DNER: variants seen among roughly 807,000 people sequenced by gnomAD.
DNER encodes the protein delta/notch like EGF repeat containing, also known as delta and Notch-like epidermal growth factor-related receptor.
DNER carries 33 observed loss-of-function variants against 78.2 expected under a neutral mutation model. The ratio of observed to expected loss-of-function variants is 0.42; its 90% CI spans 0.32 to 0.56. DNER has a LOEUF of 0.56. DNER is among the 20% of genes least tolerant of loss of function. The probability of loss-of-function intolerance (pLI) is 0.11; values close to 1 mark genes in which losing one functional copy is unlikely to be tolerated. For missense variants in DNER, 918 were observed against 975.3 expected, an observed-to-expected ratio of 0.94 and a Z score of 0.78; for synonymous variants, 417 against 384.8, an observed-to-expected ratio of 1.08 and a Z score of -0.98.
intron 1 of DNER, among the ~76,000 whole-genome samples, chr2:229,607,598 A>T (rs1697962971): frequency 6.6e-6 from 1 of 152,254 alleles, no homozygotes; most frequent in South Asian, 2.1e-4. Flanking sequence ...ATAAAGATAC[A>T]TGCTTTATTC....
chr2:229,630,522 A>G (rs1698417165), intron 1 of DNER, among the ~76,000 whole-genome samples: 1 of 147,330 alleles, frequency 6.8e-6, no homozygotes, highest in Non-Finnish European at 1.5e-5. Context: ...TAATAATAAT[A>G]AAATCTTCTG....
At chr2:229,635,685 T>A (rs1459817487) in intron 1 of DNER, among the ~76,000 whole-genome samples, 1 of 152,214 alleles carries the variant, frequency 6.6e-6, no homozygotes, top group Non-Finnish European at 1.5e-5. Context: ...CTGATAGTGA[T>A]CATTTTACTT....
chr2:229,542,326 T>C (rs769043294), intron 5 of DNER, among the ~76,000 whole-genome samples: 1 of 152,114 alleles, frequency 6.6e-6, no homozygotes, highest in Non-Finnish European at 1.5e-5. Flanking sequence ...CTTGCGATGT[T>C]GAAGTAAACA....
intron 4 of DNER, among the ~76,000 whole-genome samples, chr2:229,565,614 A>G (rs1697091141): frequency 6.6e-6 from 1 of 152,174 alleles, no homozygotes; most frequent in Non-Finnish European, 1.5e-5. Flanking sequence ...CTTTTTTTGA[A>G]GCAAAATTTA....
At chr2:229,561,123 C>T (rs1696951347) in intron 4 of DNER, among the ~76,000 whole-genome samples, 1 of 152,080 alleles carries the variant, frequency 6.6e-6, no homozygotes, top group Admixed American at 6.6e-5. Flanking sequence ...GAAAATTCAC[C>T]CACACAGAAT....
At chr2:229,384,493 A>G (rs1471624539) in intron 11 of DNER, among the ~76,000 whole-genome samples, 1 of 152,220 alleles carries the variant, frequency 6.6e-6, no homozygotes, top group East Asian at 1.9e-4. Context: ...GAAAAGATTT[A>G]CAAAATAGAT....
At chr2:229,621,081 G>A (rs1243704773) in intron 1 of DNER, among the ~76,000 whole-genome samples, 2 of 152,144 alleles carry the variant, frequency 1.3e-5, no homozygotes, top group African/African-American at 2.4e-5. Flanking sequence ...AAGTTTCTGC[G>A]TGTTTCCAAG....
chr2:229,375,362 A>T (rs758442852), intron 11 of DNER, among the ~76,000 whole-genome samples: 1 of 152,200 alleles, frequency 6.6e-6, no homozygotes, highest in Non-Finnish European at 1.5e-5. Flanking sequence ...GCCCAGGGAT[A>T]AATACCTGAG....
intron 4 of DNER, among the ~76,000 whole-genome samples, chr2:229,548,756 AAAAC>A (rs1164703612): frequency 7.9e-5 from 12 of 152,214 alleles, no homozygotes; most frequent in Admixed American, 5.9e-4. Context: ...AAATATATAA[AAAAC>A]AAACAAACAA....
At chr2:229,547,618 A>G (rs1696652406) in intron 4 of DNER, among the ~76,000 whole-genome samples, 1 of 152,350 alleles carries the variant, frequency 6.6e-6, no homozygotes, top group Admixed American at 6.5e-5. Flanking sequence ...GGCATGCAGC[A>G]TGGGTACAAA....
chr2:229,529,845 G>A (rs1431485610), intron 5 of DNER, among the ~76,000 whole-genome samples: 9 of 151,958 alleles, frequency 5.9e-5, no homozygotes. Context: ...CTGTCTCTAC[G>A]AAAAATAAAA....
At chr2:229,485,456 A>G (rs1269249708) in intron 6 of DNER, among the ~76,000 whole-genome samples, 2 of 152,220 alleles carry the variant, frequency 1.3e-5, no homozygotes, top group Non-Finnish European at 2.9e-5. Context: ...ACTATTTTGT[A>G]TTTAAGTATA....
In DNER at chr2:229,366,997, C is replaced by A; in HGVS notation, c.1978G>T (p.Gly660Trp). 2 of 1,614,102 alleles carry A rather than the reference C, an allele frequency of 1.2e-6. No homozygotes were observed. The highest frequency in any genetic ancestry group is 1.7e-6 in the Non-Finnish European group (2 of 1,180,004). The stretch of plus-strand genomic sequence containing the variant: ...TCAATGCGGCTGATGCGGCAAATCC[C>A]CACGATCAGGATGATCAGCATAAGG... ...FILMLIILIV[G>W]ICRISRIEYQ... The change falls in exon 12 of 13, where the codon GGG becomes TGG. Residue 660 changes from glycine to tryptophan, a missense_variant. Physicochemically the swap from Gly to Trp is radical, Grantham distance 184. Transcript: ENST00000341772.
At chr2:229,498,136 T>A (rs1695538110) in intron 6 of DNER, among the ~76,000 whole-genome samples, 1 of 152,186 alleles carries the variant, frequency 6.6e-6, no homozygotes, top group Admixed American at 6.5e-5. Flanking sequence ...TGCAAATCAA[T>A]AAATATGATA....
intron 1 of DNER, among the ~76,000 whole-genome samples, chr2:229,654,316 T>C (rs1698874992): frequency 6.6e-6 from 1 of 152,198 alleles, no homozygotes; most frequent in African/African-American, 2.4e-5. Flanking sequence ...CTGAAAGGAT[T>C]ATAAATCATG....
intron 6 of DNER, among the ~76,000 whole-genome samples, chr2:229,486,526 A>G (rs1206366078): frequency 6.6e-6 from 1 of 152,134 alleles, no homozygotes; most frequent in Non-Finnish European, 1.5e-5. Context: ...TGATACAACA[A>G]TCAGCTGAGA....
chr2:229,531,747 T>A (rs1696306779), intron 5 of DNER, among the ~76,000 whole-genome samples: 1 of 152,132 alleles, frequency 6.6e-6, no homozygotes, highest in African/African-American at 2.4e-5. Context: ...TAGCCAAAGG[T>A]AGAAACAACC....
At position 229,458,894 on chromosome 2, in the gene DNER, G is replaced by A. The variant is rs556429443; in HGVS notation, c.1262-11354C>T. Among the ~76,000 whole-genome samples the A allele has an allele frequency of 3.0e-4, 45 of 151,910 alleles. 1 individual carries two copies. The highest frequency in any genetic ancestry group is 1.0e-3 in the African/African-American group (43 of 41,406). ...AAAGAAATCTAAAATAAAAATTTGG[G>A]GAACTAATAGGTAAATTTAGCAAAC... On this transcript the variant is annotated intron_variant, in intron 7 of 12. Transcript: ENST00000341772.
At chr2:229,567,046 G>T (rs1361525742) in intron 4 of DNER, among the ~76,000 whole-genome samples, 1 of 152,078 alleles carries the variant, frequency 6.6e-6, no homozygotes, top group Non-Finnish European at 1.5e-5. Context: ...ATGCTTTGTT[G>T]CAGTTCCTCT....
Sources: allele counts gnomAD v4.1 joint callset (sites outside exome capture counted in the v4.1 genomes callset), GRCh38; gene constraint gnomAD v4.1.1; transcripts MANE v1.5; gene names NCBI Gene and HGNC (gene_info 2026-07-23, HGNC 2026-07-21).